Variants in SUPT3H observed in about 807,000 individuals in gnomAD.
The protein encoded by SUPT3H is transcription initiation protein SPT3 homolog.
In SUPT3H, 44 loss-of-function variants were observed where a neutral mutation model predicts 44.3. The ratio of observed to expected loss-of-function variants is 0.99; its 90% CI spans 0.78 to 1.28. The LOEUF is 1.28. Ranked by LOEUF, SUPT3H falls within the 50% of genes most tolerant of loss-of-function variation. The pLI is 0.00. For missense variants in SUPT3H, 380 were observed against 387.1 expected, an observed-to-expected ratio of 0.98 and a Z score of 0.15; for synonymous variants, 124 against 125.6, an observed-to-expected ratio of 0.99 and a Z score of 0.09.
chr6:44,940,846 A>G (rs1461038522), intron 9 of SUPT3H, among the ~76,000 whole-genome samples: 1 of 152,032 alleles, frequency 6.6e-6, no homozygotes, highest in East Asian at 1.9e-4. Context: ...TGTTTTTGAT[A>G]CAAAGTCTGT....
At chr6:45,286,094 T>C (rs1440835813) in intron 2 of SUPT3H, among the ~76,000 whole-genome samples, 6 of 150,608 alleles carry the variant, frequency 4.0e-5, no homozygotes, top group South Asian at 2.1e-4. Flanking sequence ...CAAAAATTAA[T>C]TCAAGATGGA....
intron 6 of SUPT3H, among the ~76,000 whole-genome samples, chr6:44,979,971 C>T (rs563502604): frequency 3.3e-5 from 5 of 152,196 alleles, no homozygotes; most frequent in East Asian, 1.9e-4. Context: ...GGCTCATTCA[C>T]GTTTTATTAG....
chr6:44,900,333 G>A (rs867833242), intron 10 of SUPT3H, among the ~76,000 whole-genome samples: 4 of 152,306 alleles, frequency 2.6e-5, no homozygotes, highest in African/African-American at 7.2e-5. Flanking sequence ...CTAATACTGC[G>A]CTTTTCCAAA....
intron 2 of SUPT3H, among the ~76,000 whole-genome samples, chr6:45,262,302 A>T (rs79918639): frequency 0.036 from 5,513 of 151,896 alleles, 146 homozygotes; most frequent in Middle Eastern, 0.058. Flanking sequence ...TATTACTGGC[A>T]CAAAAACAGA....
chr6:45,144,108 A>G (rs1429302769), intron 2 of SUPT3H, among the ~76,000 whole-genome samples: 2 of 152,180 alleles, frequency 1.3e-5, no homozygotes, highest in Non-Finnish European at 2.9e-5. Context: ...GCTGAATTCT[A>G]TCAGCCATTC....
intron 2 of SUPT3H, among the ~76,000 whole-genome samples, chr6:45,348,504 T>TAAAAAAAAAA (rs1791361286): frequency 3.3e-5 from 1 of 30,542 alleles, no homozygotes; most frequent in African/African-American, 1.8e-4. Context: ...CCGTCTCTAC[T>TAAAAAAAAAA]AAAAATACAA....
chr6:45,031,178 G>C (rs6909047), intron 3 of SUPT3H, among the ~76,000 whole-genome samples: 31,592 of 152,006 alleles, frequency 0.21, 4,014 homozygotes, highest in Non-Finnish European at 0.29. Flanking sequence ...AAATTAAATT[G>C]TGAAGAACTC....
chr6:45,087,910 A>G lies in SUPT3H; in HGVS notation c.186+18012T>C, dbSNP rs141886511. Among the ~76,000 whole-genome samples the G allele has an allele frequency of 1.6e-3, 236 of 152,162 alleles. 3 individuals are homozygous for G. Among genetic ancestry groups the G allele is most frequent in the African/African-American group, 5.5e-3 (227 of 41,566 alleles). On this transcript the variant is annotated intron_variant, in intron 3 of 10. Transcript: ENST00000371459. ...ACATAGAAGTCGCCACTAAAATACA[A>G]TATCTTAGGACTCGAAGATCATTTA...
chr6:45,061,367 G>T (rs1791992585), intron 3 of SUPT3H, among the ~76,000 whole-genome samples: 1 of 152,146 alleles, frequency 6.6e-6, no homozygotes, highest in South Asian at 2.1e-4. Flanking sequence ...AAAACTGCAT[G>T]TTCTCATTTA....
chr6:45,322,751 A>T (rs964814842), intron 2 of SUPT3H: 1 of 664,072 alleles, frequency 1.5e-6, no homozygotes, highest in Non-Finnish European at 2.7e-6. Context: ...GTATTCCTAA[A>T]AATAAGCCTA....
At chr6:45,050,278 AGTGT>A (rs57510967) in intron 3 of SUPT3H, among the ~76,000 whole-genome samples, 264 of 147,260 alleles carry the variant, frequency 1.8e-3, no homozygotes, top group African/African-American at 3.3e-3. Context: ...CTTTTTCTGC[AGTGT>A]GTGTGTGTGT....
At chr6:44,939,608 A>AT (rs1772070739) in intron 9 of SUPT3H, among the ~76,000 whole-genome samples, 2 of 151,990 alleles carry the variant, frequency 1.3e-5, no homozygotes, top group African/African-American at 2.4e-5. Context: ...CTACTCCTTA[A>AT]TTTTTTGGGG....
In SUPT3H at chr6:45,014,905, AAAATAAGT is replaced by A. The variant is rs1296872326; in HGVS notation, c.274-22_274-15del. 1 of 1,435,706 alleles carries A rather than the reference AAAATAAGT, an allele frequency of 7.0e-7. No individual in the cohort carries two copies. Among genetic ancestry groups the A allele is most frequent in the East Asian group, 2.6e-5 (1 of 38,992 alleles). 88.9% of individuals were successfully genotyped at this position (1,435,706 alleles called of 1,614,324 possible). On this transcript the variant is annotated splice_polypyrimidine_tract_variant and intron_variant, in intron 4 of 10. Transcript: ENST00000371459. ...TCTAAGTTTTTTCTATTAAAAATAT[AAAATAAGT>A]AAATAAGAAAACCTATACATATATT...
chr6:45,180,278 A>T (rs1812887223), intron 2 of SUPT3H, among the ~76,000 whole-genome samples: 1 of 146,852 alleles, frequency 6.8e-6, no homozygotes, highest in African/African-American at 2.5e-5. Flanking sequence ...ATATCGTGAA[A>T]ATGGCCATAC....
chr6:44,990,839 TAAAAG>T (rs956237637), intron 6 of SUPT3H, among the ~76,000 whole-genome samples: 27 of 152,160 alleles, frequency 1.8e-4, no homozygotes, highest in African/African-American at 6.3e-4. Context: ...TTAAATTACT[TAAAAG>T]AACAATGATT....
intron 2 of SUPT3H, among the ~76,000 whole-genome samples, chr6:45,111,261 G>A (rs1800014088): frequency 6.6e-6 from 1 of 151,994 alleles, no homozygotes; most frequent in Non-Finnish European, 1.5e-5. Flanking sequence ...TCGAACTCCT[G>A]ACCTCGTGAT....
chr6:44,811,860 T>G (rs1016759532), intron 11 of SUPT3H, among the ~76,000 whole-genome samples: 11 of 144,264 alleles, frequency 7.6e-5, no homozygotes, highest in African/African-American at 2.8e-4. Flanking sequence ...TGGGTTGGTC[T>G]TTTTTTTTTT....
At chr6:45,236,300 T>C (rs138861997) in intron 2 of SUPT3H, among the ~76,000 whole-genome samples, 215 of 152,202 alleles carry the variant, frequency 1.4e-3, no homozygotes, top group African/African-American at 4.8e-3. Flanking sequence ...TTGGAGAACA[T>C]GGAACTAAGC....
rs182613280 is a variant in SUPT3H at position 45,236,597 on chromosome 6, G to A, written c.101+128604C>T. ...CTAACCCTCCAGATCTTTCTTTTCT[G>A]GAGGACCTTGGGTGAAAAGTAGTTG... On this transcript the variant is annotated intron_variant, in intron 2 of 10. Coordinates refer to ENST00000371459, the MANE Select transcript of SUPT3H (RefSeq NM_003599.4). Among the ~76,000 whole-genome samples, 27 of 151,916 alleles carry A rather than the reference G, an allele frequency of 1.8e-4. No homozygotes were observed. The East Asian group carries it at 5.3e-3, about 30-fold the overall frequency.
Sources: gnomAD v4.1 joint callset for allele counts (sites outside exome capture counted in the v4.1 genomes callset) on GRCh38, gnomAD v4.1.1 for gene constraint, MANE v1.5 for transcripts, NCBI Gene and HGNC (gene_info 2026-07-23, HGNC 2026-07-21) for gene names.